FRYL: variants seen among roughly 807,000 people sequenced by gnomAD.
FRYL encodes protein furry homolog-like.
In FRYL, 150 loss-of-function variants were observed where a neutral mutation model predicts 351.2. That is an observed-to-expected ratio of 0.43 (90% confidence interval 0.37 to 0.49). FRYL has a LOEUF of 0.49. FRYL is among the 20% of genes least tolerant of loss of function. The pLI is 0.00. For synonymous variants in FRYL, 1,153 were observed against 1,257.1 expected, an observed-to-expected ratio of 0.92 and a Z score of 1.75; for missense variants, 3,036 against 3,619.3, an observed-to-expected ratio of 0.84 and a Z score of 4.13.
intron 53 of FRYL, among the ~76,000 whole-genome samples, chr4:48,524,034 G>A (rs13134960): frequency 0.94 from 143,798 of 152,262 alleles, 68,027 homozygotes; most frequent in South Asian, 0.98. Flanking sequence ...GTTATTCTAA[G>A]CTGCTCCTCC....
At chr4:48,650,933 G>A (rs1233796626) in intron 3 of FRYL, among the ~76,000 whole-genome samples, 1 of 152,174 alleles carries the variant, frequency 6.6e-6, no homozygotes, top group African/African-American at 2.4e-5. Flanking sequence ...GGGTTGGGGT[G>A]AAAGAGGCGT....
At chr4:48,770,801 G>A (rs1447890220) in intron 1 of FRYL, among the ~76,000 whole-genome samples, 2 of 152,068 alleles carry the variant, frequency 1.3e-5, no homozygotes, top group East Asian at 3.9e-4. Context: ...ACACATATTG[G>A]GAATGAAGAC....
At chr4:48,613,240 C>T (rs2149292506) in intron 7 of FRYL, among the ~76,000 whole-genome samples, 1 of 152,268 alleles carries the variant, frequency 6.6e-6, no homozygotes, top group Non-Finnish European at 1.5e-5. Flanking sequence ...CAACCCATCA[C>T]ATGAGGTCAG....
At chr4:48,652,889 C>T (rs1478259444) in intron 3 of FRYL, among the ~76,000 whole-genome samples, 1 of 152,142 alleles carries the variant, frequency 6.6e-6, no homozygotes, top group Non-Finnish European at 1.5e-5. Flanking sequence ...CACTGTATGA[C>T]CTTGGAAAAG....
At chr4:48,707,453 A>C (rs908548326) in intron 2 of FRYL, among the ~76,000 whole-genome samples, 1 of 152,236 alleles carries the variant, frequency 6.6e-6, no homozygotes, top group Non-Finnish European at 1.5e-5. Flanking sequence ...GGGAATAGCT[A>C]AACAATTTGG....
rs775933924 is a variant in FRYL, at chr4:48,595,971, T to C, written c.1065A>G (p.Ala355=). The part of the protein sequence containing the change: ...KNKDPKMSRV[A]LESLYRLLWV... ...ACAATAATCTATACAAAGATTCCAG[T>C]GCAACTCGAGACATTTTCGGATCTT... is the stretch of plus-strand genomic sequence containing the variant. Residue 355 remains alanine (A), a synonymous_variant, in exon 14 of 64, where the codon GCA becomes GCG. Coordinates refer to ENST00000358350, the MANE Select transcript of FRYL (RefSeq NM_015030.2). The C allele has an allele frequency of 1.9e-6, 3 of 1,603,162 alleles. No individual in the cohort carries two copies. Among genetic ancestry groups the C allele is most frequent in the South Asian group, 2.3e-5 (2 of 88,220 alleles).
intron 1 of FRYL, among the ~76,000 whole-genome samples, chr4:48,755,400 G>A (rs573324803): frequency 1.3e-4 from 20 of 152,230 alleles, no homozygotes; most frequent in African/African-American, 4.6e-4. Context: ...ATTTCCACAT[G>A]CCACTAGAAA....
intron 2 of FRYL, among the ~76,000 whole-genome samples, chr4:48,690,285 A>G (rs142562586): frequency 6.6e-6 from 1 of 152,048 alleles, no homozygotes; most frequent in Non-Finnish European, 1.5e-5. Context: ...ACAGCCTTCA[A>G]CCCTCAATAG....
At chr4:48,592,348 A>C (rs1324079170) in intron 16 of FRYL, among the ~76,000 whole-genome samples, 1 of 152,002 alleles carries the variant, frequency 6.6e-6, no homozygotes, top group Non-Finnish European at 1.5e-5. Flanking sequence ...TCTAGCTTTA[A>C]CTACATGAGC....
intron 3 of FRYL, among the ~76,000 whole-genome samples, chr4:48,661,303 G>C (rs1057212941): frequency 2.0e-5 from 3 of 152,202 alleles, no homozygotes; most frequent in Non-Finnish European, 4.4e-5. Flanking sequence ...ATTGTACAAA[G>C]TATATGATCA....
At chr4:48,553,111 C>G in intron 36 of FRYL, 104 bp downstream of exon 36, 1 of 754,350 alleles carries the variant, frequency 1.3e-6, no homozygotes, top group African/African-American at 1.8e-5. Context: ...ATCTGAGATT[C>G]ATAACATGTT....
At chr4:48,744,105 A>C (rs1243694266) in intron 1 of FRYL, among the ~76,000 whole-genome samples, 2 of 152,228 alleles carry the variant, frequency 1.3e-5, no homozygotes, top group Non-Finnish European at 2.9e-5. Flanking sequence ...AAGAATGTTA[A>C]GAAAGCCTGT....
intron 3 of FRYL, chr4:48,653,577 C>T (rs181560938): frequency 8.0e-5 from 35 of 437,216 alleles, no homozygotes; most frequent in African/African-American, 6.7e-4. Flanking sequence ...TACTGATTAC[C>T]ATTCAAGAAA....
chr4:48,694,841 G>A (rs1560870777), intron 2 of FRYL, among the ~76,000 whole-genome samples: 2 of 152,132 alleles, frequency 1.3e-5, no homozygotes, highest in African/African-American at 2.4e-5. Flanking sequence ...GGGGGCCAAC[G>A]CAGGGGGATC....
At chr4:48,770,441 T>C (rs1372818061) in intron 1 of FRYL, among the ~76,000 whole-genome samples, 2 of 152,154 alleles carry the variant, frequency 1.3e-5, no homozygotes, top group Non-Finnish European at 2.9e-5. Flanking sequence ...TTTTTATTTA[T>C]TTTTTATTTT....
intron 1 of FRYL, among the ~76,000 whole-genome samples, chr4:48,742,700 C>T (rs1462938007): frequency 6.6e-6 from 1 of 152,132 alleles, no homozygotes; most frequent in Non-Finnish European, 1.5e-5. Flanking sequence ...CACTAGCCCC[C>T]AAAAAACTCC....
chr4:48,610,422 T>G (rs1432925200), intron 7 of FRYL, among the ~76,000 whole-genome samples: 1 of 151,824 alleles, frequency 6.6e-6, no homozygotes, highest in Admixed American at 6.6e-5. Flanking sequence ...AACAACTTCA[T>G]GTACATCCTT....
Position 48,655,059 on chromosome 4 carries a change from C to T in FRYL, c.-80-20569G>A, listed in dbSNP as rs1758541489. On this transcript the variant is annotated intron_variant, in intron 3 of 63. Transcript: ENST00000358350. ...AGTCATAACTGAATAAATTTATTCA[C>T]AGCCAAATGGCTAGGCACTGTATCA... Among the ~76,000 whole-genome samples the T allele has an allele frequency of 2.6e-5, 4 of 152,292 alleles. No individual in the cohort carries two copies. In the South Asian group the frequency reaches 8.3e-4, roughly 32 times the overall value.
chr4:48,528,545 T>G (rs549781006), intron 50 of FRYL, among the ~76,000 whole-genome samples: 59 of 152,280 alleles, frequency 3.9e-4, no homozygotes, highest in African/African-American at 1.3e-3. Flanking sequence ...AATAATAATT[T>G]TACATCTGAG....
Sources: allele counts gnomAD v4.1 joint callset (sites outside exome capture counted in the v4.1 genomes callset), GRCh38; gene constraint gnomAD v4.1.1; transcripts MANE v1.5; gene names NCBI Gene and HGNC (gene_info 2026-07-23, HGNC 2026-07-21).